Variants in GRIK3 observed in about 807,000 individuals in gnomAD.
GRIK3 encodes the protein glutamate ionotropic receptor kainate type subunit 3.
A neutral mutation model predicts 102.5 loss-of-function variants in GRIK3; 29 were observed. The ratio of observed to expected loss-of-function variants is 0.28; its 90% CI spans 0.21 to 0.39. GRIK3 has a LOEUF of 0.39. GRIK3 is among the 10% of genes least tolerant of loss of function. GRIK3 has a pLI of 1.00. For synonymous variants in GRIK3, 511 were observed against 504.9 expected (o/e 1.01, Z -0.16); for missense variants, 908 against 1,252.4 (o/e 0.73, Z 4.15).
chr1:36,834,133 G>A (rs1640345123), intron 10 of GRIK3, among the ~76,000 whole-genome samples: 9 of 152,216 alleles, frequency 5.9e-5, no homozygotes, highest in Non-Finnish European at 1.2e-4. Flanking sequence ...CTAGAATGTA[G>A]GATCTTGAGG....
chr1:36,955,938 G>T (rs962880491), intron 1 of GRIK3, among the ~76,000 whole-genome samples: 1 of 152,230 alleles, frequency 6.6e-6, no homozygotes, highest in African/African-American at 2.4e-5. Flanking sequence ...ACAAAGGCTC[G>T]GCATCAGACC....
chr1:36,899,374 T>C (rs1641208004), intron 1 of GRIK3, among the ~76,000 whole-genome samples: 1 of 152,150 alleles, frequency 6.6e-6, no homozygotes, highest in East Asian at 1.9e-4. Flanking sequence ...TGTTACATCG[T>C]GAATAAACAT....
At chr1:37,007,291 C>T (rs1010678691) in intron 1 of GRIK3, among the ~76,000 whole-genome samples, 2 of 152,192 alleles carry the variant, frequency 1.3e-5, no homozygotes, top group African/African-American at 4.8e-5. Context: ...GTAACTTACC[C>T]AAGGTCAGGT....
At chr1:36,965,621 C>T (rs529707678) in intron 1 of GRIK3, among the ~76,000 whole-genome samples, 49 of 152,122 alleles carry the variant, frequency 3.2e-4, no homozygotes, top group Non-Finnish European at 5.6e-4. Flanking sequence ...ATGACAACTG[C>T]AGTCATTTCT....
chr1:36,938,624 C>T (rs1453743947), intron 1 of GRIK3, among the ~76,000 whole-genome samples: 1 of 152,096 alleles, frequency 6.6e-6, no homozygotes, highest in Non-Finnish European at 1.5e-5. Context: ...CAGCTCAAAC[C>T]ATCCCCCAGC....
chr1:36,900,081 A>G (rs989486630), intron 1 of GRIK3, among the ~76,000 whole-genome samples: 1 of 152,244 alleles, frequency 6.6e-6, no homozygotes, highest in Admixed American at 6.5e-5. Context: ...ACTTCAGTCA[A>G]CAGCAACAGA....
rs1161455298 is a variant in GRIK3 at position 36,798,948 on chromosome 1, A to G, written c.*2903T>C. 6.6e-6 allele frequency: 1 copy of G among 152,204 alleles called. No individual in the cohort carries two copies. The highest frequency in any genetic ancestry group is 1.5e-5 in the Non-Finnish European group (1 of 68,048). The allele number at this position is 152,204 out of a possible 1,614,324, so 9.4% of individuals were successfully genotyped here. On this transcript the variant is annotated 3_prime_UTR_variant, in exon 16 of 16. Transcript: ENST00000373091. ...TCTTCTTCCTCCTGTCACAATCCAC[A>G]TATATGCATAGCCTCTGAAGAACAT...
At chr1:36,823,365 T>C (rs1642717638) in intron 11 of GRIK3, among the ~76,000 whole-genome samples, 1 of 150,062 alleles carries the variant, frequency 6.7e-6, no homozygotes, top group Non-Finnish European at 1.5e-5. Flanking sequence ...TCCCAGCTAC[T>C]TGGGAGGCTG....
intron 1 of GRIK3, among the ~76,000 whole-genome samples, chr1:36,932,839 A>C (rs1378771543): frequency 6.6e-6 from 1 of 152,052 alleles, no homozygotes. Flanking sequence ...TACTGCATCT[A>C]TTTGCTTGCT....
At chr1:36,846,466 T>A (rs1640520986) in intron 9 of GRIK3, among the ~76,000 whole-genome samples, 1 of 152,220 alleles carries the variant, frequency 6.6e-6, no homozygotes, top group Admixed American at 6.5e-5. Context: ...AAACTCCCCC[T>A]TATCAGGGGT....
intron 1 of GRIK3, among the ~76,000 whole-genome samples, chr1:36,936,439 T>C (rs1267690624): frequency 6.6e-6 from 1 of 152,210 alleles, no homozygotes; most frequent in Non-Finnish European, 1.5e-5. Context: ...AGGTTATAGT[T>C]TGCAAGATCT....
At chr1:36,884,462 T>C (rs1236434295) in intron 2 of GRIK3, among the ~76,000 whole-genome samples, 1 of 152,136 alleles carries the variant, frequency 6.6e-6, no homozygotes, top group Non-Finnish European at 1.5e-5. Flanking sequence ...CCCGACAACC[T>C]TGTCCCCTTC....
rs1384868266 is a variant in GRIK3 at position 37,033,773 on chromosome 1, C to T, written c.115+221G>A. Among the ~76,000 whole-genome samples, 12 of 152,216 alleles carry T rather than the reference C, an allele frequency of 7.9e-5. No homozygotes were observed. In the East Asian group the frequency reaches 1.9e-3, roughly 25 times the overall value. ...TGACCTCCCAGGAGCGCGCCAAGGG[C>T]CCCTCGCCCACTGCGGCCCGGCGGC... On this transcript the variant is annotated intron_variant, in intron 1 of 15. Coordinates refer to ENST00000373091, the MANE Select transcript of GRIK3 (RefSeq NM_000831.4).
At chr1:36,865,117 T>C (rs1640768128) in intron 5 of GRIK3, among the ~76,000 whole-genome samples, 1 of 152,220 alleles carries the variant, frequency 6.6e-6, no homozygotes, top group South Asian at 2.1e-4. Flanking sequence ...CCCCATGATA[T>C]CACTGTTATT....
At chr1:36,941,223 C>T (rs1641715740) in intron 1 of GRIK3, among the ~76,000 whole-genome samples, 1 of 152,210 alleles carries the variant, frequency 6.6e-6, no homozygotes, top group Admixed American at 6.5e-5. Context: ...GCAAGATGAT[C>T]CCTGAGCCAG....
At chr1:36,809,474 C>T (rs1207497964) in intron 13 of GRIK3, among the ~76,000 whole-genome samples, 1 of 152,156 alleles carries the variant, frequency 6.6e-6, no homozygotes, top group African/African-American at 2.4e-5. Context: ...CTATGTCACC[C>T]ACCCTCTCAG....
intron 1 of GRIK3, among the ~76,000 whole-genome samples, chr1:36,948,553 A>G (rs1245936174): frequency 6.6e-6 from 1 of 152,196 alleles, no homozygotes; most frequent in Non-Finnish European, 1.5e-5. Flanking sequence ...GCACCTCACA[A>G]TCAACCTGGG....
rs772407804 is a variant in GRIK3 at position 36,817,050 on chromosome 1, A to G, written c.2091+10T>C. On this transcript the variant is annotated intron_variant, in intron 13 of 15. Coordinates refer to ENST00000373091, the MANE Select transcript of GRIK3 (RefSeq NM_000831.4). ...CTCACGGTGCTGCAATAGGAGGGAGAGGGCCTCACCTTGAAGAAGGTCATG... is the reference window on the plus strand; with the variant it reads ...CTCACGGTGCTGCAATAGGAGGGAGGGGGCCTCACCTTGAAGAAGGTCATG... 5 of 1,591,822 alleles carry G rather than the reference A, an allele frequency of 3.1e-6. No individual in the cohort carries two copies. The South Asian group carries it at 4.4e-5, about 14-fold the overall frequency.
Position 36,880,800 on chromosome 1 carries a change from C to T in GRIK3, c.384G>A (p.Leu128=). ...AACGCAGCTGGATGTGGGGCACCTC[C>T]AGGGCATTGCAGATGGACTGGACGG... The part of the protein sequence containing the change: ...TNAVQSICNA[L]EVPHIQLRWK... Residue 128 remains leucine (L), a synonymous_variant, in exon 3 of 16, where the codon CTG becomes CTA. Coordinates refer to ENST00000373091, the MANE Select transcript of GRIK3 (RefSeq NM_000831.4). The surrounding 1 kb of genome is among the most constrained non-coding windows in gnomAD (Gnocchi z 5.4). 6.2e-7 allele frequency: 1 copy of T among 1,614,176 alleles called. No homozygotes were observed. Among genetic ancestry groups the T allele is most frequent in the Admixed American group, 1.7e-5 (1 of 60,028 alleles).
Sources: allele counts gnomAD v4.1 joint callset (sites outside exome capture counted in the v4.1 genomes callset), GRCh38; gene constraint gnomAD v4.1.1; non-coding constraint Gnocchi (gnomAD v3.1); transcripts MANE v1.5; gene names NCBI Gene and HGNC (gene_info 2026-07-23, HGNC 2026-07-21).